MGAM: variants seen among roughly 807,000 people sequenced by gnomAD.
MGAM encodes maltase-glucoamylase.
In MGAM, 253 loss-of-function variants were observed where a neutral mutation model predicts 358.8. The ratio of observed to expected loss-of-function variants is 0.71; its 90% CI spans 0.64 to 0.78. MGAM has a LOEUF of 0.78. Among genes scored for constraint, MGAM ranks in the 30% least tolerant of loss-of-function variants. The pLI is 0.00. For synonymous variants in MGAM, 1,105 were observed against 1,227.1 expected, an observed-to-expected ratio of 0.90 and a Z score of 2.08; for missense variants, 3,080 against 3,432.6, an observed-to-expected ratio of 0.90 and a Z score of 2.57.
rs759604937 is a variant in MGAM at position 142,091,858 on chromosome 7, G to C, written c.6811-55G>C. 1.3e-4 allele frequency: 177 copies of C among 1,376,988 alleles called. 34 individuals are homozygous for C. Among genetic ancestry groups the C allele is most frequent in the Middle Eastern group, 9.5e-4 (4 of 4,200 alleles). 85.3% of individuals were successfully genotyped at this position (1,376,988 alleles called of 1,614,324 possible). ...CGAGTTGCATTCTCAGTAAGTGCCT[G>C]TTTGCTGTCTTCTATATTTGTGTGG... is the stretch of plus-strand genomic sequence containing the variant. On this transcript the variant is annotated intron_variant, in intron 57 of 70. Transcript: ENST00000475668.
chr7:142,008,278 A>G (rs148701917), intron 2 of MGAM, among the ~76,000 whole-genome samples: 49 of 152,242 alleles, frequency 3.2e-4, no homozygotes, highest in East Asian at 3.1e-3. Context: ...TATACATACT[A>G]TCTTGTAGGG....
rs1554453387 is a variant in MGAM, at chr7:142,008,703, A to G, written c.325A>G (p.Lys109Glu). ...INCIPDQPPT[K>E]ATCDQRGCCW... ...TTGCATCCCTGACCAGCCGCCAACA[A>G]AGGTTTGAGTTATGAATTTTGTTTC... The change falls in exon 3 of 71, where the codon AAG becomes GAG. Residue 109 changes from lysine to glutamate, a missense_variant and splice_region_variant. Around this residue, in one of 5 missense-constraint regions of MGAM, gnomAD observed 1,816 missense variants for 1,840.5 expected, o/e 0.99. Transcript: ENST00000475668. The G allele has an allele frequency of 1.9e-6, 3 of 1,611,884 alleles. No individual in the cohort carries two copies. The highest frequency in any genetic ancestry group is 1.7e-6 in the Non-Finnish European group (2 of 1,178,840).
intron 34 of MGAM, among the ~76,000 whole-genome samples, chr7:142,060,578 T>C (rs1314621533): frequency 2.0e-5 from 3 of 152,260 alleles, no homozygotes; most frequent in Non-Finnish European, 4.4e-5. Context: ...ATATGTATTA[T>C]TATCCTTGGA....
chr7:142,073,555 C>A (rs567865740), intron 44 of MGAM, among the ~76,000 whole-genome samples: 2 of 146,464 alleles, frequency 1.4e-5, no homozygotes, highest in African/African-American at 2.4e-5. Context: ...TAAAGTAGAT[C>A]ATTAGAATGA....
chr7:142,101,327 G>T (rs977225304), intron 68 of MGAM, among the ~76,000 whole-genome samples: 1 of 151,696 alleles, frequency 6.6e-6, no homozygotes, highest in African/African-American at 2.4e-5. Context: ...GATTGCTCAA[G>T]AAATTATTAG....
At chr7:142,098,278 T>C (rs1306739195) in intron 66 of MGAM, among the ~76,000 whole-genome samples, 1 of 152,150 alleles carries the variant, frequency 6.6e-6, no homozygotes, top group Non-Finnish European at 1.5e-5. Context: ...AAGACTTATC[T>C]GGGAAGCCAG....
chr7:141,988,245 G>A (rs781824399), intron 2 of MGAM, among the ~76,000 whole-genome samples: 5 of 151,990 alleles, frequency 3.3e-5, no homozygotes, highest in Admixed American at 6.5e-5. Context: ...CCGAGATTGC[G>A]CCACTGCACT....
chr7:142,022,456 G>A lies in MGAM; in HGVS notation c.882+17G>A, dbSNP rs1806553820. On this transcript the variant is annotated intron_variant, in intron 7 of 70. Coordinates refer to ENST00000475668, the MANE Select transcript of MGAM (RefSeq NM_001365693.1). ...CCCAATGGAGTAAGCTTTCAAATGG[G>A]CCCCTTTCCACTGAATATCATAGTC... The A allele has an allele frequency of 6.2e-7, 1 of 1,608,282 alleles. No homozygotes were observed. The highest frequency in any genetic ancestry group is 1.3e-5 in the African/African-American group (1 of 74,772).
intron 21 of MGAM, among the ~76,000 whole-genome samples, chr7:142,041,507 C>G (rs1006029078): frequency 9.9e-5 from 15 of 151,986 alleles, no homozygotes; most frequent in Non-Finnish European, 1.9e-4. Flanking sequence ...ACACTGATAC[C>G]AAATTAATTT....
rs779885788 is a variant in MGAM, at chr7:142,086,275, G to C, written c.6694G>C (p.Glu2232Gln). The change falls in exon 56 of 71, where the codon GAG becomes CAG. Residue 2232 changes from glutamate (E) to glutamine (Q), a missense_variant. Coordinates refer to ENST00000475668, the MANE Select transcript of MGAM (RefSeq NM_001365693.1). ...QPYPAFTRGV[E>Q]DDVFIKYPND... ...CTATCCTGCCTTCACTCGGGGCGTG[G>C]AGGATGACGTCTTCATCAAGTACCC... The C allele has an allele frequency of 3.2e-6, 5 of 1,544,434 alleles. 1 individual carries two copies. The East Asian group carries it at 1.1e-4, about 35-fold the overall frequency.
At chr7:142,029,337 G>A (rs1192361322) in intron 10 of MGAM, among the ~76,000 whole-genome samples, 2 of 151,188 alleles carry the variant, frequency 1.3e-5, no homozygotes, top group East Asian at 3.9e-4. Flanking sequence ...TCCAGCCTGG[G>A]CAACAGAGCT....
intron 21 of MGAM, among the ~76,000 whole-genome samples, chr7:142,045,215 A>G (rs375142171): frequency 0.062 from 2,148 of 34,900 alleles, 69 homozygotes; most frequent in Middle Eastern, 0.19. Context: ...TATAACATAT[A>G]TGTATATAAT....
At chr7:142,048,450 T>C (rs146251555) in intron 22 of MGAM, among the ~76,000 whole-genome samples, 2 of 151,830 alleles carry the variant, frequency 1.3e-5, no homozygotes, top group East Asian at 1.9e-4. Flanking sequence ...GCTTGGCCAA[T>C]AGGCTCTCTT....
chr7:142,106,683 C>A lies in MGAM; in HGVS notation c.*792C>A, dbSNP rs564003257. The A allele has an allele frequency of 3.3e-4, 51 of 152,326 alleles. 1 individual carries two copies. Among genetic ancestry groups the A allele is most frequent in the African/African-American group, 1.1e-3 (46 of 41,572 alleles). 9.4% of individuals were successfully genotyped at this position (152,326 alleles called of 1,614,324 possible). A position where few individuals can be genotyped will look rare whatever the true frequency, so the allele number is the denominator to read the frequency against. On this transcript the variant is annotated 3_prime_UTR_variant, in exon 71 of 71. Transcript: ENST00000475668. ...ATCTTATTTCTAATGTATACAACCA[C>A]ATTTCACATAAAAATATGCAATTTA...
In MGAM at chr7:142,079,818, C is replaced by T. The variant is rs1382228365; in HGVS notation, c.5847+810C>T. Among the ~76,000 whole-genome samples the T allele has an allele frequency of 4.1e-5, 6 of 146,064 alleles. 1 individual carries two copies. Among genetic ancestry groups the T allele is most frequent in the Admixed American group, 6.9e-5 (1 of 14,546 alleles). ...ATTTCTTTACAATCTGACATCAACC[C>T]GAATTCTGAGTTTTTGTACATCGTC... On this transcript the variant is annotated intron_variant, in intron 49 of 70. Coordinates refer to ENST00000475668, the MANE Select transcript of MGAM (RefSeq NM_001365693.1).
rs1040778001 is a variant in MGAM at position 142,092,691 on chromosome 7, C to T, written c.7033+83C>T. On this transcript the variant is annotated intron_variant, in intron 59 of 70. Transcript: ENST00000475668. Reference sequence around the variant, plus strand: ...GGAGGAGCCCGAGGCCAGGGGTGGCCGCACAGCTCAGGGCACATCCTCATG... The same window carrying T: ...GGAGGAGCCCGAGGCCAGGGGTGGCTGCACAGCTCAGGGCACATCCTCATG... The T allele has an allele frequency of 2.1e-5, 26 of 1,261,592 alleles. 2 individuals are homozygous for T. Among genetic ancestry groups the T allele is most frequent in the African/African-American group, 8.5e-5 (6 of 70,582 alleles). The allele number at this position is 1,261,592 out of a possible 1,614,324, so 78.1% of individuals were successfully genotyped here. A position where few individuals can be genotyped will look rare whatever the true frequency, so the allele number is the denominator to read the frequency against.
rs1411009302 is a variant in MGAM, at chr7:142,042,582, T to C, written c.2498+1736T>C. Among the ~76,000 whole-genome samples, 2 of 14,362 alleles carry C rather than the reference T, an allele frequency of 1.4e-4. 1 individual carries two copies. Among genetic ancestry groups the C allele is most frequent in the Non-Finnish European group, 2.4e-4 (2 of 8,370 alleles). The allele number at this position is 14,362 out of a possible 152,430, so 9.4% of individuals were successfully genotyped here. A position where few individuals can be genotyped will look rare whatever the true frequency, so the allele number is the denominator to read the frequency against. On this transcript the variant is annotated intron_variant, in intron 21 of 70. Coordinates refer to ENST00000475668, the MANE Select transcript of MGAM (RefSeq NM_001365693.1). The stretch of plus-strand genomic sequence containing the variant: ...ATTATATATAATATATAATATATAT[T>C]ATATATACATATTATATATAATATA...
rs1317237028 is a variant in MGAM at position 142,070,797 on chromosome 7, C to T, written c.5062-197C>T. Among the ~76,000 whole-genome samples, 2 of 145,996 alleles carry T rather than the reference C, an allele frequency of 1.4e-5. 1 individual carries two copies. Among genetic ancestry groups the T allele is most frequent in the Non-Finnish European group, 3.1e-5 (2 of 64,426 alleles). On this transcript the variant is annotated intron_variant, in intron 43 of 70. Transcript: ENST00000475668. ...TATGGTGGAAGCAAAGGTAAGAGAC[C>T]CTAACAAGATATTATAGCAGCCTTG...
At position 142,077,063 on chromosome 7, in the gene MGAM, C is replaced by CTA. The variant is rs113905632; in HGVS notation, c.5493+238_5493+239insAT. Among the ~76,000 whole-genome samples, 1,319 of 144,596 alleles carry CTA rather than the reference C, an allele frequency of 9.1e-3. 130 individuals are homozygous for CTA. The highest frequency in any genetic ancestry group is 0.087 in the South Asian group (394 of 4,540). The allele number at this position is 144,596 out of a possible 152,430, so 94.9% of individuals were successfully genotyped here. A position where few individuals can be genotyped will look rare whatever the true frequency, so the allele number is the denominator to read the frequency against. On this transcript the variant is annotated intron_variant, in intron 47 of 70. Coordinates refer to ENST00000475668, the MANE Select transcript of MGAM (RefSeq NM_001365693.1). ...TCTCTGCCTATCAGTGTTCCCATCTCTCTAGCTGGTTTCACTTGCTTTTCC... is the reference window on the plus strand; with the variant it reads ...TCTCTGCCTATCAGTGTTCCCATCTCTATCTAGCTGGTTTCACTTGCTTTTCC...
Sources: allele counts gnomAD v4.1 joint callset (sites outside exome capture counted in the v4.1 genomes callset), GRCh38; gene constraint gnomAD v4.1.1; regional missense constraint gnomAD v4.1.1; transcripts MANE v1.5; gene names NCBI Gene and HGNC (gene_info 2026-07-23, HGNC 2026-07-21).